RAD51B: variants seen among roughly 807,000 people sequenced by gnomAD.
The protein encoded by RAD51B is DNA repair protein RAD51 homolog 2.
In RAD51B, 38 loss-of-function variants were observed where a neutral mutation model predicts 42.2. That is an observed-to-expected ratio of 0.90 (90% CI 0.70 to 1.18). The LOEUF is 1.18. RAD51B is among the 50% of genes most tolerant of loss of function. The pLI is 0.00. For missense variants in RAD51B, 373 were observed against 400.7 expected (o/e 0.93, Z 0.59); for synonymous variants, 154 against 145.2 (o/e 1.06, Z -0.43).
At chr14:68,418,416 C>A (rs911986240) in intron 9 of RAD51B, among the ~76,000 whole-genome samples, 1 of 152,178 alleles carries the variant, frequency 6.6e-6, no homozygotes, top group East Asian at 1.9e-4. Context: ...ATTTCACTAG[C>A]ATTTTATCAC....
intron 7 of RAD51B, among the ~76,000 whole-genome samples, chr14:68,012,824 G>A (rs954260289): frequency 1.3e-5 from 2 of 152,076 alleles, no homozygotes; most frequent in African/African-American, 4.8e-5. Context: ...TTTCAACTTT[G>A]TTTTATGTGT....
intron 10 of RAD51B, among the ~76,000 whole-genome samples, chr14:68,647,429 A>C (rs1274602769): frequency 6.6e-6 from 1 of 152,230 alleles, no homozygotes; most frequent in African/African-American, 2.4e-5. Flanking sequence ...GTATTTAAAA[A>C]GTAATAGTCT....
chr14:68,498,076 A>G (rs1335993568), intron 10 of RAD51B, among the ~76,000 whole-genome samples: 2 of 152,228 alleles, frequency 1.3e-5, no homozygotes, highest in Non-Finnish European at 2.9e-5. Flanking sequence ...TAACTTTTTG[A>G]AGAACTGCAA....
intron 7 of RAD51B, among the ~76,000 whole-genome samples, chr14:68,100,937 G>A (rs1262428984): frequency 2.0e-5 from 3 of 152,174 alleles, no homozygotes; most frequent in African/African-American, 4.8e-5. Flanking sequence ...AAAGGAAAGA[G>A]GTTTAATTGA....
At chr14:67,923,590 C>A (rs919239202) in intron 7 of RAD51B, among the ~76,000 whole-genome samples, 1 of 152,150 alleles carries the variant, frequency 6.6e-6, no homozygotes, top group Non-Finnish European at 1.5e-5. Flanking sequence ...TGAGCCACTG[C>A]GACCAGCAGT....
At chr14:68,581,359 G>A (rs986777415) in intron 10 of RAD51B, among the ~76,000 whole-genome samples, 1 of 152,212 alleles carries the variant, frequency 6.6e-6, no homozygotes, top group Non-Finnish European at 1.5e-5. Flanking sequence ...GCTCTGGGCT[G>A]TGGAAGCGTT....
intron 7 of RAD51B, among the ~76,000 whole-genome samples, chr14:68,094,630 TA>T (rs973306025): frequency 1.3e-5 from 2 of 151,724 alleles, no homozygotes; most frequent in African/African-American, 4.8e-5. Context: ...ATAAAGGGGG[TA>T]AAAAAATAAA....
At chr14:68,644,948 C>T (rs1892535175) in intron 10 of RAD51B, among the ~76,000 whole-genome samples, 1 of 152,164 alleles carries the variant, frequency 6.6e-6, no homozygotes, top group Non-Finnish European at 1.5e-5. Context: ...AACTTTGACC[C>T]TACTCAGTTT....
intron 10 of RAD51B, among the ~76,000 whole-genome samples, chr14:68,589,658 T>A (rs556866730): frequency 1.3e-5 from 2 of 152,306 alleles, no homozygotes; most frequent in African/African-American, 4.8e-5. Flanking sequence ...GACTCTCCTC[T>A]TCCTGGGTTT....
At position 68,449,566 on chromosome 14, in the gene RAD51B, C is replaced by T. The variant is rs1285685404; in HGVS notation, c.958-18606C>T. Among the ~76,000 whole-genome samples, 3 of 152,180 alleles carry T rather than the reference C, an allele frequency of 2.0e-5. No individual in the cohort carries two copies. The East Asian group carries it at 5.8e-4, about 29-fold the overall frequency. ...AATCAAGTTCTGAACAGTGAGACACCTTTAGGCCCATCCCCCCAGCTGTCC... is the reference window on the plus strand; with the variant it reads ...AATCAAGTTCTGAACAGTGAGACACTTTTAGGCCCATCCCCCCAGCTGTCC... On this transcript the variant is annotated intron_variant, in intron 9 of 10. Coordinates refer to ENST00000471583, the MANE Select transcript of RAD51B (RefSeq NM_133510.4).
chr14:67,874,094 T>C (rs533631870), intron 5 of RAD51B, among the ~76,000 whole-genome samples: 2 of 150,954 alleles, frequency 1.3e-5, no homozygotes, highest in South Asian at 2.1e-4. Flanking sequence ...ATAATAATAA[T>C]AAATTAATTA....
intron 11 of RAD51B, among the ~76,000 whole-genome samples, chr14:68,658,484 C>T (rs746628661): frequency 5.9e-5 from 9 of 152,238 alleles, no homozygotes; most frequent in Non-Finnish European, 1.2e-4. Context: ...GGAAAACAGC[C>T]GTCATAGTGC....
intron 8 of RAD51B, among the ~76,000 whole-genome samples, chr14:68,358,247 A>G (rs1204597267): frequency 6.6e-6 from 1 of 152,252 alleles, no homozygotes; most frequent in Non-Finnish European, 1.5e-5. Context: ...ACATGAAGCA[A>G]GCACATGCTG....
chr14:68,555,253 G>A (rs1324071987), intron 10 of RAD51B, among the ~76,000 whole-genome samples: 1 of 152,210 alleles, frequency 6.6e-6, no homozygotes, highest in Non-Finnish European at 1.5e-5. Context: ...TAAATGTTAT[G>A]TGCTCAGCAC....
intron 8 of RAD51B, among the ~76,000 whole-genome samples, chr14:68,379,477 G>A (rs901958391): frequency 6.6e-6 from 1 of 152,126 alleles, no homozygotes; most frequent in South Asian, 2.1e-4. Flanking sequence ...GTCTATGATC[G>A]GTGTCCTAGG....
At chr14:68,535,023 C>T (rs1172102550) in intron 10 of RAD51B, among the ~76,000 whole-genome samples, 1 of 152,086 alleles carries the variant, frequency 6.6e-6, no homozygotes, top group African/African-American at 2.4e-5. Flanking sequence ...AGTAGCTTGC[C>T]TAAGTTCATG....
chr14:68,645,494 G>C (rs1462905360), intron 10 of RAD51B, among the ~76,000 whole-genome samples: 1 of 152,100 alleles, frequency 6.6e-6, no homozygotes, highest in Non-Finnish European at 1.5e-5. Flanking sequence ...CTTGCTTTCA[G>C]TTATTTTGGG....
At chr14:68,483,290 C>A (rs975607242) in intron 10 of RAD51B, among the ~76,000 whole-genome samples, 1 of 152,174 alleles carries the variant, frequency 6.6e-6, no homozygotes, top group African/African-American at 2.4e-5. Flanking sequence ...CATATTCACG[C>A]TTGTATATAC....
chr14:68,622,071 G>A (rs1016345284), intron 10 of RAD51B, among the ~76,000 whole-genome samples: 1 of 152,212 alleles, frequency 6.6e-6, no homozygotes, highest in Non-Finnish European at 1.5e-5. Flanking sequence ...GGGCAAGCAT[G>A]CCTCTAACCT....
Sources: allele counts gnomAD v4.1 joint callset (sites outside exome capture counted in the v4.1 genomes callset), GRCh38; gene constraint gnomAD v4.1.1; transcripts MANE v1.5; gene names NCBI Gene and HGNC (gene_info 2026-07-23, HGNC 2026-07-21).